POLR3B: variants seen among roughly 807,000 people sequenced by gnomAD.
POLR3B encodes the protein RNA polymerase III subunit B, also known as DNA-directed RNA polymerase III subunit RPC2.
Under a neutral mutation model 147.4 loss-of-function variants are expected in POLR3B, and 96 were observed. That is an observed-to-expected ratio of 0.65 (90% CI 0.55 to 0.77). The LOEUF is 0.77. Among genes scored for constraint, POLR3B ranks in the 30% least tolerant of loss-of-function variants. The pLI is 0.00. For missense variants in POLR3B, 1,036 were observed against 1,413.5 expected (o/e 0.73, Z 4.28); for synonymous variants, 461 against 485.9 (o/e 0.95, Z 0.67).
chr12:106,480,625 G>A (rs1287057925), intron 23 of POLR3B, among the ~76,000 whole-genome samples: 1 of 152,178 alleles, frequency 6.6e-6, no homozygotes, highest in African/African-American at 2.4e-5. Context: ...CTCAGGTAAG[G>A]GTTAGGGGAG....
chr12:106,504,198 T>C lies in POLR3B; in HGVS notation c.3216T>C (p.Ser1072=). The change falls in exon 27 of 28, where the codon AGT becomes AGC. Residue 1072 remains serine, a synonymous_variant. Coordinates refer to ENST00000228347, the MANE Select transcript of POLR3B (RefSeq NM_018082.6). The surrounding 1 kb of genome is among the most constrained non-coding windows in gnomAD (Gnocchi z 4.6). ...TGCTAGAGAGACTAATGATTTCAAG[T>C]GATGCCTTTGAGGTTGATGTCTGTG... The part of the protein sequence containing the change: ...MLLLERLMIS[S]DAFEVDVCGQ... 6.2e-7 allele frequency: 1 copy of C among 1,614,050 alleles called. No individual in the cohort carries two copies. Among genetic ancestry groups the C allele is most frequent in the East Asian group, 2.2e-5 (1 of 44,900 alleles).
At chr12:106,360,367 C>A (rs974077829) in intron 1 of POLR3B, among the ~76,000 whole-genome samples, 4 of 152,154 alleles carry the variant, frequency 2.6e-5, no homozygotes, top group Non-Finnish European at 5.9e-5. Flanking sequence ...TGGTTCCCCC[C>A]TCTCCCTCCC....
chr12:106,471,557 G>A (rs1206037954), intron 23 of POLR3B, among the ~76,000 whole-genome samples: 1 of 151,938 alleles, frequency 6.6e-6, no homozygotes, highest in African/African-American at 2.4e-5. Context: ...CAATCTCCCT[G>A]GGAGCTATAG....
intron 9 of POLR3B, among the ~76,000 whole-genome samples, chr12:106,386,313 A>C (rs2036836564): frequency 6.7e-6 from 1 of 149,456 alleles, no homozygotes; most frequent in African/African-American, 2.5e-5. Context: ...ACTGCACTCC[A>C]GCCTGGGTGA....
intron 23 of POLR3B, among the ~76,000 whole-genome samples, chr12:106,474,565 G>A (rs1249480312): frequency 1.4e-5 from 2 of 145,590 alleles, no homozygotes; most frequent in African/African-American, 5.2e-5. Flanking sequence ...TCTATTCAGA[G>A]ATTCAACTTC....
intron 14 of POLR3B, among the ~76,000 whole-genome samples, chr12:106,430,794 C>T: frequency 6.6e-6 from 1 of 152,106 alleles, no homozygotes. Flanking sequence ...AAAGACCTAC[C>T]ACCTCTCATG....
chr12:106,496,579 T>G (rs933077355), intron 24 of POLR3B, 173 bp from the exon 25 acceptor site: 1 of 651,648 alleles, frequency 1.5e-6, no homozygotes, highest in Non-Finnish European at 2.7e-6. Flanking sequence ...ACCTATCTCA[T>G]AGGGGTATTG....
rs577752704 is a variant in POLR3B at position 106,459,061 on chromosome 12, CTG to C, written c.2453-188_2453-187del. ...TGTGTGTGGGTGTGTGAGTCTCACT[CTG>C]TTGCACAGGCTGGAGTGCAGTGGCA... On this transcript the variant is annotated intron_variant, in intron 21 of 27. Coordinates refer to ENST00000228347, the MANE Select transcript of POLR3B (RefSeq NM_018082.6). Among the ~76,000 whole-genome samples the C allele has an allele frequency of 8.9e-4, 135 of 152,132 alleles. 5 individuals are homozygous for C. The South Asian group carries it at 0.028, about 31-fold the overall frequency.
chr12:106,479,164 T>C (rs958783096), intron 23 of POLR3B, among the ~76,000 whole-genome samples: 4 of 152,088 alleles, frequency 2.6e-5, no homozygotes, highest in Non-Finnish European at 5.9e-5. Flanking sequence ...ATTTATTTAG[T>C]TAATAATTTC....
intron 12 of POLR3B, among the ~76,000 whole-genome samples, chr12:106,418,086 C>T (rs538363300): frequency 6.6e-6 from 1 of 152,334 alleles, no homozygotes; most frequent in South Asian, 2.1e-4. Context: ...GTTGTCTCCA[C>T]TGGCCAAGCG....
intron 22 of POLR3B, among the ~76,000 whole-genome samples, chr12:106,460,824 G>A (rs754614578): frequency 1.3e-5 from 2 of 151,954 alleles, no homozygotes; most frequent in African/African-American, 4.8e-5. Flanking sequence ...CTTCTCCACA[G>A]GCTAGAAAAT....
rs2037539459 is a variant in POLR3B at position 106,433,760 on chromosome 12, A to T, written c.1669A>T (p.Asn557Tyr). 5 of 1,613,616 alleles carry T rather than the reference A, an allele frequency of 3.1e-6. No individual in the cohort carries two copies. The highest frequency in any genetic ancestry group is 4.2e-6 in the Non-Finnish European group (5 of 1,179,644). Residue 557 changes from asparagine to tyrosine, a missense_variant, in exon 16 of 28, where the codon AAT (asparagine) becomes TAT (tyrosine). Transcript: ENST00000228347. Reference sequence around the variant, plus strand: ...CATTCGAGACCACAAAAAGCTAGTGAATACATTTCGACTCATGAGAAGAGC... The same window carrying T: ...CATTCGAGACCACAAAAAGCTAGTGTATACATTTCGACTCATGAGAAGAGC... ...GVIRDHKKLVNTFRLMRRAGY... is the reference protein window; with the variant it reads ...GVIRDHKKLVYTFRLMRRAGY...
chr12:106,440,051 C>G (rs900780522), intron 18 of POLR3B, among the ~76,000 whole-genome samples: 1 of 151,828 alleles, frequency 6.6e-6, no homozygotes, highest in Non-Finnish European at 1.5e-5. Flanking sequence ...AGAGTGAGAC[C>G]CTTACTCAAA....
At chr12:106,384,002 A>T (rs976215922) in intron 9 of POLR3B, among the ~76,000 whole-genome samples, 6 of 152,078 alleles carry the variant, frequency 3.9e-5, no homozygotes, top group Admixed American at 3.9e-4. Context: ...GAGAGAAAAA[A>T]AAAAAGATCA....
intron 23 of POLR3B, among the ~76,000 whole-genome samples, chr12:106,470,330 T>C (rs1240093130): frequency 6.6e-5 from 10 of 152,134 alleles, no homozygotes; most frequent in Non-Finnish European, 1.5e-4. Context: ...TCTACACTGA[T>C]TGTTCTAGTT....
At chr12:106,380,372 G>C (rs966254438) in intron 9 of POLR3B, among the ~76,000 whole-genome samples, 1 of 144,414 alleles carries the variant, frequency 6.9e-6, no homozygotes, top group Admixed American at 7.1e-5. Flanking sequence ...CCAGGAGTTT[G>C]AGACCAGCTT....
rs369282848 is a variant in POLR3B at position 106,414,715 on chromosome 12, A to G, written c.1101+3755A>G. ...GACTCCTCAGAGAATCCAACCCAGT[A>G]TGCTGCAAGCAGCAGAGGTCCCTTC... On this transcript the variant is annotated intron_variant, in intron 12 of 27. Coordinates refer to ENST00000228347, the MANE Select transcript of POLR3B (RefSeq NM_018082.6). Among the ~76,000 whole-genome samples, 107 of 152,314 alleles carry G rather than the reference A, an allele frequency of 7.0e-4. No individual in the cohort carries two copies. In the South Asian group the frequency reaches 7.9e-3, roughly 11 times the overall value.
At chr12:106,477,509 C>G (rs550016566) in intron 23 of POLR3B, among the ~76,000 whole-genome samples, 96 of 150,306 alleles carry the variant, frequency 6.4e-4, no homozygotes, top group Middle Eastern at 3.4e-3. Context: ...TGCTAGCAAT[C>G]AGCGAGACTC....
At chr12:106,475,754 G>T (rs1407287947) in intron 23 of POLR3B, among the ~76,000 whole-genome samples, 1 of 147,996 alleles carries the variant, frequency 6.8e-6, no homozygotes, top group Non-Finnish European at 1.5e-5. Flanking sequence ...TTGAGCCTAT[G>T]TGTGTCTCTG....
Sources: allele counts gnomAD v4.1 joint callset (sites outside exome capture counted in the v4.1 genomes callset), GRCh38; gene constraint gnomAD v4.1.1; non-coding constraint Gnocchi (gnomAD v3.1); transcripts MANE v1.5; gene names NCBI Gene and HGNC (gene_info 2026-07-23, HGNC 2026-07-21).